The following SLC35F4 variants were observed in gnomAD, a reference collection of about 807,000 sequenced individuals.
SLC35F4 encodes chromosome 14 open reading frame 36.
A neutral mutation model predicts 44.2 loss-of-function variants in SLC35F4; 24 were observed. That is an observed-to-expected ratio of 0.54 (90% confidence interval 0.39 to 0.76). SLC35F4 has a LOEUF of 0.76. Ranked by LOEUF, SLC35F4 falls within the 30% of genes least tolerant of loss-of-function variation. SLC35F4 has a pLI of 0.00. For synonymous variants in SLC35F4, 238 were observed against 223.6 expected, an observed-to-expected ratio of 1.06 and a Z score of -0.57; for missense variants, 562 against 586.1, an observed-to-expected ratio of 0.96 and a Z score of 0.42.
intron 1 of SLC35F4, among the ~76,000 whole-genome samples, chr14:57,754,280 T>C (rs2076949281): frequency 1.3e-5 from 2 of 151,930 alleles, no homozygotes; most frequent in Admixed American, 1.3e-4. Context: ...TTTTTTTGTA[T>C]TTTTAGTAGA....
At chr14:57,829,438 G>C (rs1360362965) in intron 1 of SLC35F4, among the ~76,000 whole-genome samples, 1 of 152,206 alleles carries the variant, frequency 6.6e-6, no homozygotes, top group African/African-American at 2.4e-5. Context: ...AACATAGTTT[G>C]CTACCACTGA....
intron 1 of SLC35F4, among the ~76,000 whole-genome samples, chr14:57,819,762 G>A (rs541555320): frequency 1.8e-4 from 27 of 150,260 alleles, no homozygotes; most frequent in East Asian, 7.8e-4. Context: ...ACAGTGAGCC[G>A]AGATCGCCCC....
intron 1 of SLC35F4, among the ~76,000 whole-genome samples, chr14:57,815,188 C>T (rs1172236907): frequency 2.0e-5 from 3 of 152,182 alleles, no homozygotes; most frequent in Admixed American, 1.3e-4. Context: ...CCAAAAGTCA[C>T]GGATACCAAC....
chr14:57,722,086 T>C (rs1300769006), intron 1 of SLC35F4, among the ~76,000 whole-genome samples: 1 of 152,168 alleles, frequency 6.6e-6, no homozygotes, highest in Admixed American at 6.5e-5. Context: ...CTAATTTATA[T>C]ATGCAGCAAT....
rs1173289899 is a variant in SLC35F4, at chr14:57,566,426, A to G, written c.1216+49T>C. On this transcript the variant is annotated intron_variant, in intron 7 of 7. Coordinates refer to ENST00000556826, the MANE Select transcript of SLC35F4 (RefSeq NM_001306087.2). ...CTCAGGACACAGAACAAACACAAGC[A>G]AGAGACTTGTAGTGGCCAGGATCTG... The G allele has an allele frequency of 2.0e-6, 3 of 1,509,538 alleles. No individual in the cohort carries two copies. In the South Asian group the frequency reaches 3.6e-5, roughly 18 times the overall value. 93.5% of individuals were successfully genotyped at this position (1,509,538 alleles called of 1,614,324 possible).
intron 5 of SLC35F4, 79 bp from the exon 6 acceptor site, chr14:57,570,059 G>T: frequency 7.6e-7 from 1 of 1,311,848 alleles, no homozygotes; most frequent in South Asian, 1.8e-5. Flanking sequence ...TCCATACTGT[G>T]AGCTAACTGG....
intron 1 of SLC35F4, among the ~76,000 whole-genome samples, chr14:57,621,591 T>C (rs1377034605): frequency 1.3e-5 from 2 of 152,194 alleles, no homozygotes; most frequent in Non-Finnish European, 2.9e-5. Flanking sequence ...TAATAAATGG[T>C]GCTGGGAAAA....
chr14:57,804,282 T>C (rs1447741870), intron 1 of SLC35F4, among the ~76,000 whole-genome samples: 1 of 152,118 alleles, frequency 6.6e-6, no homozygotes, highest in East Asian at 1.9e-4. Context: ...TAAAAATTCT[T>C]ATGGAACCAA....
intron 1 of SLC35F4, among the ~76,000 whole-genome samples, chr14:57,964,631 G>C (rs1417068195): frequency 6.6e-6 from 1 of 151,940 alleles, no homozygotes; most frequent in Non-Finnish European, 1.5e-5. Flanking sequence ...TGGGAGGAAG[G>C]AGCCTTTTTT....
At chr14:57,695,325 A>G (rs1416557401) in intron 1 of SLC35F4, among the ~76,000 whole-genome samples, 3 of 151,744 alleles carry the variant, frequency 2.0e-5, no homozygotes, top group Non-Finnish European at 2.9e-5. Flanking sequence ...AATTTACAAG[A>G]AAAAAACAAA....
intron 1 of SLC35F4, among the ~76,000 whole-genome samples, chr14:57,793,095 G>T (rs2077967166): frequency 6.6e-6 from 1 of 151,870 alleles, no homozygotes; most frequent in African/African-American, 2.4e-5. Context: ...TTCTCCAAAG[G>T]CCTAACCTCG....
Position 57,568,107 on chromosome 14 carries a change from C to T in SLC35F4, c.1127-1543G>A, listed in dbSNP as rs943989049. On this transcript the variant is annotated intron_variant, in intron 6 of 7. Transcript: ENST00000556826. ...ACAGGCTGGAGGGAGGCTATCTCCTCGATTGCCACAGCACAACTTTGGCAC... is the reference window on the plus strand; with the variant it reads ...ACAGGCTGGAGGGAGGCTATCTCCTTGATTGCCACAGCACAACTTTGGCAC... 5.7e-4 allele frequency among the ~76,000 whole-genome samples: 87 copies of T among 152,306 alleles called. 1 individual carries two copies. The highest frequency in any genetic ancestry group is 1.9e-3 in the African/African-American group (79 of 41,572).
chr14:57,600,419 G>A (rs947382883), intron 1 of SLC35F4, among the ~76,000 whole-genome samples: 2 of 151,882 alleles, frequency 1.3e-5, no homozygotes, highest in Admixed American at 1.3e-4. Context: ...GGGGCCGGGC[G>A]CGGTGGCTCA....
At chr14:57,680,374 CA>C (rs1162011246) in intron 1 of SLC35F4, among the ~76,000 whole-genome samples, 1 of 152,054 alleles carries the variant, frequency 6.6e-6, no homozygotes, top group Non-Finnish European at 1.5e-5. Flanking sequence ...GAATGTGTCT[CA>C]AAATAATAAA....
chr14:57,900,101 T>C (rs1039957546), intron 1 of SLC35F4, among the ~76,000 whole-genome samples: 1 of 118,134 alleles, frequency 8.5e-6, no homozygotes, highest in Non-Finnish European at 1.9e-5. Context: ...AGAGCACTGA[T>C]TGGTGCATTT....
chr14:57,852,167 T>C (rs564335562), intron 1 of SLC35F4, among the ~76,000 whole-genome samples: 17 of 152,162 alleles, frequency 1.1e-4, no homozygotes, highest in African/African-American at 4.1e-4. Context: ...GTAAGTGCTA[T>C]AAAGAAAAAG....
chr14:57,811,239 G>A (rs1445223355), intron 1 of SLC35F4, among the ~76,000 whole-genome samples: 1 of 152,214 alleles, frequency 6.6e-6, no homozygotes, highest in East Asian at 1.9e-4. Flanking sequence ...GAAAGGTAGA[G>A]TGGAAAGATG....
At chr14:57,740,204 C>A (rs893597975) in intron 1 of SLC35F4, among the ~76,000 whole-genome samples, 1 of 152,000 alleles carries the variant, frequency 6.6e-6, no homozygotes, top group Non-Finnish European at 1.5e-5. Flanking sequence ...ACTACTGTAT[C>A]TAATTGAAAG....
At chr14:57,836,756 T>A (rs1884976069) in intron 1 of SLC35F4, among the ~76,000 whole-genome samples, 1 of 152,074 alleles carries the variant, frequency 6.6e-6, no homozygotes, top group Non-Finnish European at 1.5e-5. Flanking sequence ...TCCACCTCCA[T>A]CAGCACACAC....
Sources: gnomAD v4.1 joint callset for allele counts (sites outside exome capture counted in the v4.1 genomes callset) on GRCh38, gnomAD v4.1.1 for gene constraint, MANE v1.5 for transcripts, NCBI Gene and HGNC (gene_info 2026-07-23, HGNC 2026-07-21) for gene names.